MYO16: variants seen among roughly 807,000 people sequenced by gnomAD.
MYO16 encodes the protein myosin XVI, also known as unconventional myosin-XVI.
Under a neutral mutation model 205.3 loss-of-function variants are expected in MYO16, and 94 were observed. That is an observed-to-expected ratio of 0.46 (90% CI 0.39 to 0.54). MYO16 has a LOEUF of 0.54. Among genes scored for constraint, MYO16 ranks in the 20% least tolerant of loss-of-function variants. The probability of loss-of-function intolerance (pLI) is 0.00; values close to 1 mark genes in which losing one functional copy is unlikely to be tolerated. For synonymous variants in MYO16, 988 were observed against 954.0 expected (o/e 1.04, Z -0.66); for missense variants, 2,315 against 2,387.5 (o/e 0.97, Z 0.63).
At chr13:108,646,468 G>A (rs796691053) in intron 1 of MYO16, among the ~76,000 whole-genome samples, 11 of 152,312 alleles carry the variant, frequency 7.2e-5, no homozygotes, top group Admixed American at 3.3e-4. Context: ...GGAATTCCTC[G>A]TGTCTCTCTT....
chr13:108,642,354 T>C (rs1411197040), intron 1 of MYO16, among the ~76,000 whole-genome samples: 1 of 152,196 alleles, frequency 6.6e-6, no homozygotes, highest in African/African-American at 2.4e-5. Flanking sequence ...AAATGTGTGA[T>C]GCACCATGCA....
intron 1 of MYO16, among the ~76,000 whole-genome samples, chr13:108,603,761 A>T (rs536446736): frequency 6.6e-6 from 1 of 152,344 alleles, no homozygotes; most frequent in East Asian, 1.9e-4. Context: ...TACAGCTGAC[A>T]CATATGCTTA....
In MYO16 at chr13:109,046,925, G is replaced by T. The variant is rs1272971075; in HGVS notation, c.2806G>T (p.Asp936Tyr). Reference protein sequence around the residue: ...IMHYAGRVMYDVVGAIEKNKD... With the variant: ...IMHYAGRVMYYVVGAIEKNKD... ...CTTTCTTTTATTCTAGGTAATGTAT[G>T]ATGTTGTTGGGGCGATTGAAAAAAA... is the stretch of plus-strand genomic sequence containing the variant. Residue 936 changes from aspartate (D) to tyrosine (Y), a missense_variant, in exon 24 of 35, where the codon GAT becomes TAT. This residue lies in a region of MYO16 where 1,213 missense variants were observed against 1,274.4 expected (regional missense o/e 0.95). Coordinates refer to ENST00000457511, the MANE Select transcript of MYO16 (RefSeq NM_001198950.3). 3.1e-6 allele frequency: 5 copies of T among 1,606,516 alleles called. No homozygotes were observed. In the Admixed American group the frequency reaches 8.3e-5, roughly 27 times the overall value.
At position 108,962,480 on chromosome 13, in the gene MYO16, A is replaced by G. The variant is rs1883626887; in HGVS notation, c.2212A>G (p.Ile738Val). 1.3e-6 allele frequency: 2 copies of G among 1,582,608 alleles called. No homozygotes were observed. Among genetic ancestry groups the G allele is most frequent in the Non-Finnish European group, 1.7e-6 (2 of 1,169,210 alleles). The change falls in exon 19 of 35, where the codon ATT becomes GTT. Residue 738 changes from isoleucine to valine, a missense_variant. Ile to Val is a conservative substitution (Grantham distance 29, BLOSUM62 3). Transcript: ENST00000457511. ...ATTGGCATCTGCCTTAACAACTGAT[A>G]TTCAATATTTTAAAGGTAATTTTTT... ...DELASALTTDIQYFKGDMIIR... is the reference protein window; with the variant it reads ...DELASALTTDVQYFKGDMIIR...
At chr13:109,150,604 A>AT (rs200916841) in intron 32 of MYO16, among the ~76,000 whole-genome samples, 3,930 of 152,330 alleles carry the variant, frequency 0.026, 76 homozygotes, top group Non-Finnish European at 0.04. Flanking sequence ...AGAGGTTATC[A>AT]TTTTTTAGAT....
chr13:108,746,831 C>A (rs1885079187), intron 4 of MYO16, among the ~76,000 whole-genome samples: 1 of 151,622 alleles, frequency 6.6e-6, no homozygotes. Flanking sequence ...GATGAAAACC[C>A]AAAAAACAGC....
chr13:108,757,143 G>A (rs959322444), intron 4 of MYO16, among the ~76,000 whole-genome samples: 1 of 152,082 alleles, frequency 6.6e-6, no homozygotes, highest in African/African-American at 2.4e-5. Flanking sequence ...GAGTGCAAAA[G>A]GCAAATTCTA....
At chr13:108,805,115 T>A (rs936069766) in intron 6 of MYO16, among the ~76,000 whole-genome samples, 3 of 152,222 alleles carry the variant, frequency 2.0e-5, no homozygotes, top group Non-Finnish European at 2.9e-5. Context: ...ATTATTCAGA[T>A]AACGTAGAAT....
chr13:108,571,939 T>A, the MYO16 span, among the ~76,000 whole-genome samples: 2 of 150,054 alleles, frequency 1.3e-5, no homozygotes, highest in African/African-American at 2.5e-5. Context: ...TTTTTTTTTT[T>A]AAACAGGGTC....
chr13:108,519,626 TACAC>T, the MYO16 span, among the ~76,000 whole-genome samples: 12 of 108,454 alleles, frequency 1.1e-4, no homozygotes, highest in African/African-American at 4.0e-4. Flanking sequence ...ATATGCAAAA[TACAC>T]ACACACACAC....
At position 109,055,416 on chromosome 13, in the gene MYO16, A is replaced by G; in HGVS notation, c.3156A>G (p.Lys1052=). The G allele has an allele frequency of 6.2e-7, 1 of 1,612,476 alleles. No individual in the cohort carries two copies. Among genetic ancestry groups the G allele is most frequent in the Non-Finnish European group, 8.5e-7 (1 of 1,179,154 alleles). ...LRKSLMDIIG[K]LQKCTPHFIH... is the part of the protein sequence containing the mutation. ...AATCACTAATGGATATTATTGGAAA[A>G]CTTCAGAAGTGCACTCCACACTTCA... Residue 1052 remains lysine, a synonymous_variant, in exon 27 of 35, where the codon AAA becomes AAG. Transcript: ENST00000457511. The surrounding 1 kb of genome is among the most constrained non-coding windows in gnomAD (Gnocchi z 5.0).
At chr13:108,937,457 A>G (rs1487030697) in intron 16 of MYO16, among the ~76,000 whole-genome samples, 1 of 152,052 alleles carries the variant, frequency 6.6e-6, no homozygotes, top group Non-Finnish European at 1.5e-5. Context: ...CTTCAAATAT[A>G]TTTTTCGACT....
chr13:108,917,305 C>G (rs1028364894), intron 16 of MYO16, among the ~76,000 whole-genome samples: 1 of 152,158 alleles, frequency 6.6e-6, no homozygotes, highest in African/African-American at 2.4e-5. Flanking sequence ...ACATTTGGCT[C>G]CTGCGTAGGG....
At chr13:108,590,403 A>G in the MYO16 span, among the ~76,000 whole-genome samples, 1 of 152,318 alleles carries the variant, frequency 6.6e-6, no homozygotes, top group South Asian at 2.1e-4. Flanking sequence ...TGGTGATTCT[A>G]AAGAATAGTC....
At chr13:108,793,162 T>A (rs924712581) in intron 5 of MYO16, among the ~76,000 whole-genome samples, 1 of 151,484 alleles carries the variant, frequency 6.6e-6, no homozygotes, top group Non-Finnish European at 1.5e-5. Context: ...GGCGGGCGCC[T>A]GTAGTCCCAG....
intron 27 of MYO16, among the ~76,000 whole-genome samples, chr13:109,057,869 G>A (rs1887464570): frequency 6.6e-6 from 1 of 152,102 alleles, no homozygotes; most frequent in Admixed American, 6.6e-5. Context: ...AGAATGGAGA[G>A]TGTCAGTCCT....
intron 4 of MYO16, among the ~76,000 whole-genome samples, chr13:108,758,847 G>A (rs374447354): frequency 3.3e-5 from 5 of 152,230 alleles, no homozygotes; most frequent in South Asian, 2.1e-4. Context: ...GGAAAAATAC[G>A]TGATACAGAA....
intron 2 of MYO16, among the ~76,000 whole-genome samples, chr13:108,691,987 C>A (rs12430492): frequency 0.041 from 6,301 of 152,264 alleles, 185 homozygotes; most frequent in South Asian, 0.12. Flanking sequence ...CCCAACAAAG[C>A]AGATGCATTT....
At chr13:109,172,806 C>T (rs960737924) in intron 33 of MYO16, among the ~76,000 whole-genome samples, 31 of 141,608 alleles carry the variant, frequency 2.2e-4, no homozygotes, top group African/African-American at 5.8e-4. Context: ...GTTTATCCAA[C>T]AGAAACAACA....
Sources: allele counts gnomAD v4.1 joint callset (sites outside exome capture counted in the v4.1 genomes callset), GRCh38; gene constraint gnomAD v4.1.1; regional missense constraint gnomAD v4.1.1; non-coding constraint Gnocchi (gnomAD v3.1); transcripts MANE v1.5; gene names NCBI Gene and HGNC (gene_info 2026-07-23, HGNC 2026-07-21).